EDAR: variants seen among roughly 807,000 people sequenced by gnomAD.
EDAR encodes the protein ectodysplasin A receptor.
Under a neutral mutation model 51.3 loss-of-function variants are expected in EDAR, and 38 were observed. The observed-to-expected ratio is 0.74, with a 90% CI of 0.57 to 0.97. The LOEUF (loss-of-function observed/expected upper bound fraction) is 0.97. Ranked by LOEUF, EDAR falls within the 50% of genes least tolerant of loss-of-function variation. The probability of loss-of-function intolerance (pLI) is 0.00; values close to 1 mark genes in which losing one functional copy is unlikely to be tolerated. For synonymous variants in EDAR, 227 were observed against 242.1 expected, an observed-to-expected ratio of 0.94 and a Z score of 0.58; for missense variants, 528 against 595.0, an observed-to-expected ratio of 0.89 and a Z score of 1.17.
intron 1 of EDAR, among the ~76,000 whole-genome samples, chr2:108,957,287 A>G (rs1697944221): frequency 6.6e-6 from 1 of 152,368 alleles, no homozygotes. Flanking sequence ...GAAAGCCTGG[A>G]AACAGCAACG....
intron 1 of EDAR, among the ~76,000 whole-genome samples, chr2:108,943,268 G>T (rs1367850385): frequency 6.6e-6 from 1 of 152,190 alleles, no homozygotes; most frequent in Non-Finnish European, 1.5e-5. Context: ...CACCTGAGAC[G>T]GGTCTGCTCC....
intron 1 of EDAR, among the ~76,000 whole-genome samples, chr2:108,966,582 T>C (rs2104423151): frequency 6.6e-6 from 1 of 152,350 alleles, no homozygotes; most frequent in African/African-American, 2.4e-5. Flanking sequence ...ACAATAGTCA[T>C]CAGAGAGTTC....
intron 1 of EDAR, among the ~76,000 whole-genome samples, chr2:108,970,877 C>A (rs761575194): frequency 1.3e-5 from 2 of 152,182 alleles, no homozygotes; most frequent in Non-Finnish European, 2.9e-5. Flanking sequence ...GTCTACAGGA[C>A]TGAACAAATA....
At chr2:108,984,662 T>G (rs1179990066) in intron 1 of EDAR, among the ~76,000 whole-genome samples, 1 of 151,960 alleles carries the variant, frequency 6.6e-6, no homozygotes, top group Non-Finnish European at 1.5e-5. Flanking sequence ...CTGGGCACCT[T>G]CTTTCTACCT....
At chr2:108,914,387 T>C (rs570561991) in intron 5 of EDAR, among the ~76,000 whole-genome samples, 2 of 152,276 alleles carry the variant, frequency 1.3e-5, no homozygotes, top group South Asian at 4.2e-4. Flanking sequence ...CTGCCTAGGA[T>C]TTTTCCTCAG....
At position 108,937,124 on chromosome 2, in the gene EDAR, G is replaced by A. The variant is rs113668797; in HGVS notation, c.-18-6092C>T. 4.6e-5 allele frequency among the ~76,000 whole-genome samples: 7 copies of A among 152,372 alleles called. 1 individual carries two copies. Among genetic ancestry groups the A allele is most frequent in the African/African-American group, 1.7e-4 (7 of 41,588 alleles). On this transcript the variant is annotated intron_variant, in intron 1 of 11. Coordinates refer to ENST00000258443, the MANE Select transcript of EDAR (RefSeq NM_022336.4). The stretch of plus-strand genomic sequence containing the variant: ...AGTGGAGGGTGACGCTGAAACAGAA[G>A]TGACTGGCAACAGAGCACACTGGCG...
At position 108,906,425 on chromosome 2, in the gene EDAR, G is replaced by A. The variant is rs761384753; in HGVS notation, c.964-57C>T. The A allele has an allele frequency of 2.9e-4, 463 of 1,587,300 alleles. 1 individual carries two copies. The highest frequency in any genetic ancestry group is 2.7e-3 in the Middle Eastern group (16 of 6,024). ...AGAAAGGGGCAACAGTAGAAAGGAG[G>A]CAAATCCTCCATGTCAGCAGGGGCA... On this transcript the variant is annotated intron_variant, in intron 10 of 11. Transcript: ENST00000258443.
chr2:108,899,180 C>T (rs1171586250), intron 11 of EDAR, among the ~76,000 whole-genome samples: 1 of 115,520 alleles, frequency 8.7e-6, no homozygotes, highest in Non-Finnish European at 1.7e-5. Flanking sequence ...CAAAGAAAAA[C>T]AACGCCTGAC....
chr2:108,983,585 C>T (rs1336414640), intron 1 of EDAR, among the ~76,000 whole-genome samples: 5 of 152,214 alleles, frequency 3.3e-5, no homozygotes, highest in African/African-American at 1.2e-4. Context: ...CCTCGTGATC[C>T]ATCTGTCTGC....
chr2:108,948,015 T>C (rs1697747398), intron 1 of EDAR, among the ~76,000 whole-genome samples: 1 of 152,170 alleles, frequency 6.6e-6, no homozygotes, highest in South Asian at 2.1e-4. Flanking sequence ...TTTCTGTGAA[T>C]GCACATGACT....
Position 108,929,336 on chromosome 2 carries a change from G to A in EDAR, c.218C>T (p.Pro73Leu). ...TTTGGAAAACTTCTCCGCCGGGCAG[G>A]GGACGCAGCCGTAGTCCTCGTCTTT... ...GTKDEDYGCV[P>L]CPAEKFSKGG... Residue 73 changes from proline to leucine, a missense_variant, in exon 4 of 12, where the codon CCC (proline) becomes CTC (leucine). Coordinates refer to ENST00000258443, the MANE Select transcript of EDAR (RefSeq NM_022336.4). 6.2e-7 allele frequency: 1 copy of A among 1,614,152 alleles called. No homozygotes were observed. The highest frequency in any genetic ancestry group is 8.5e-7 in the Non-Finnish European group (1 of 1,180,038).
chr2:108,897,328 A>C, intron 11 of EDAR, 99 bp from the exon 12 acceptor site: 1 of 1,228,934 alleles, frequency 8.1e-7, no homozygotes, highest in South Asian at 1.4e-5. Flanking sequence ...TATTTGAAAA[A>C]AATTTTTTTA....
intron 1 of EDAR, among the ~76,000 whole-genome samples, chr2:108,982,055 G>A (rs960181587): frequency 2.0e-5 from 3 of 152,216 alleles, no homozygotes; most frequent in Admixed American, 2.0e-4. Context: ...ATGTTTAACG[G>A]CTCAGTAACA....
In EDAR at chr2:108,973,611, G is replaced by C. The variant is rs547338677; in HGVS notation, c.-19+15349C>G. Among the ~76,000 whole-genome samples the C allele has an allele frequency of 9.8e-5, 15 of 152,352 alleles. No individual in the cohort carries two copies. In the South Asian group the frequency reaches 3.1e-3, roughly 32 times the overall value. ...CTTCTTCCCTCATCTGCAGGGTGCT[G>C]GCTGCCTCCGGAAGAACAGAAGGAG... On this transcript the variant is annotated intron_variant, in intron 1 of 11. Coordinates refer to ENST00000258443, the MANE Select transcript of EDAR (RefSeq NM_022336.4).
At chr2:108,980,048 C>A (rs1162700901) in intron 1 of EDAR, among the ~76,000 whole-genome samples, 1 of 143,068 alleles carries the variant, frequency 7.0e-6, no homozygotes, top group African/African-American at 2.6e-5. Context: ...ACCATGGACA[C>A]ACTCACACTT....
intron 1 of EDAR, among the ~76,000 whole-genome samples, chr2:108,938,105 A>G (rs773271052): frequency 1.5e-4 from 23 of 152,238 alleles, no homozygotes; most frequent in Non-Finnish European, 2.6e-4. Flanking sequence ...CTCTCTGTGC[A>G]TCACTGAATC....
chr2:108,960,103 G>A (rs1429781578), intron 1 of EDAR, among the ~76,000 whole-genome samples: 1 of 152,186 alleles, frequency 6.6e-6, no homozygotes, highest in Non-Finnish European at 1.5e-5. Context: ...CACACCCTGT[G>A]GCTGGGTCCA....
chr2:108,976,885 C>A (rs1698332540), intron 1 of EDAR, among the ~76,000 whole-genome samples: 1 of 152,072 alleles, frequency 6.6e-6, no homozygotes, highest in African/African-American at 2.4e-5. Flanking sequence ...ATTTTCCCTG[C>A]CCCAGCTCTG....
intron 10 of EDAR, 26 bp from the exon 11 acceptor site, chr2:108,906,394 A>G: frequency 1.9e-6 from 3 of 1,613,850 alleles, no homozygotes; most frequent in Non-Finnish European, 2.5e-6. Flanking sequence ...GAGAATTTTC[A>G]TCTCCAGAAA....
Sources: allele counts gnomAD v4.1 joint callset (sites outside exome capture counted in the v4.1 genomes callset), GRCh38; gene constraint gnomAD v4.1.1; transcripts MANE v1.5; gene names NCBI Gene and HGNC (gene_info 2026-07-23, HGNC 2026-07-21).